TRAPPC6B: variants seen among roughly 807,000 people sequenced by gnomAD.
TRAPPC6B encodes trafficking protein particle complex subunit 6B, also known as TRAPP complex subunit 6B.
A neutral mutation model predicts 24.7 loss-of-function variants in TRAPPC6B; 27 were observed. That is an observed-to-expected ratio of 1.09 (90% CI 0.81 to 1.51). The LOEUF is 1.51. TRAPPC6B is among the 40% of genes most tolerant of loss of function. The pLI, the probability that TRAPPC6B is intolerant of heterozygous loss-of-function variation, is 0.00. For missense variants in TRAPPC6B, 212 were observed against 190.8 expected, an observed-to-expected ratio of 1.11 and a Z score of -0.66; for synonymous variants, 80 against 66.6, an observed-to-expected ratio of 1.20 and a Z score of -0.98.
chr14:39,151,209 G>C (rs1005623425), intron 5 of TRAPPC6B, among the ~76,000 whole-genome samples: 2 of 151,846 alleles, frequency 1.3e-5, no homozygotes, highest in Admixed American at 6.6e-5. Context: ...GGCTAACACG[G>C]TGAAACCCAT....
intron 3 of TRAPPC6B, 42 bp downstream of exon 3, chr14:39,158,243 G>C (rs1438956044): frequency 9.3e-7 from 1 of 1,079,230 alleles, no homozygotes; most frequent in African/African-American, 1.6e-5. Flanking sequence ...TTTATATCAA[G>C]TTAAAGGACT....
chr14:39,162,940 C>A (rs1301360705), intron 1 of TRAPPC6B, among the ~76,000 whole-genome samples: 1 of 143,704 alleles, frequency 7.0e-6, no homozygotes, highest in Admixed American at 6.7e-5. Flanking sequence ...TGCATCAACT[C>A]TTCCTCCAGA....
chr14:39,158,326 C>A lies in TRAPPC6B; in HGVS notation c.226G>T (p.Val76Leu). 1 of 1,603,044 alleles carries A rather than the reference C, an allele frequency of 6.2e-7. No homozygotes were observed. Among genetic ancestry groups the A allele is most frequent in the Non-Finnish European group, 8.5e-7 (1 of 1,177,094 alleles). The change falls in exon 3 of 6, where the codon GTA (valine) becomes TTA (leucine). Residue 76 changes from valine (V) to leucine (L), a missense_variant. By Grantham distance (32) the Val-to-Leu change is conservative. Coordinates refer to ENST00000330149, the MANE Select transcript of TRAPPC6B (RefSeq NM_001079537.2). ...KFICKDFWTTVFKKQIDNLRT... is the reference protein window; with the variant it reads ...KFICKDFWTTLFKKQIDNLRT... Reference sequence around the variant, plus strand: ...AGATTGTCGATTTGTTTCTTGAATACCGTAGTCCAAAAATCTTTACAAATG... The same window carrying A: ...AGATTGTCGATTTGTTTCTTGAATAACGTAGTCCAAAAATCTTTACAAATG...
At position 39,148,395 on chromosome 14, in the gene TRAPPC6B, G is replaced by T; in HGVS notation, c.*1955C>A. 1 of 327,822 alleles carries T rather than the reference G, an allele frequency of 3.1e-6. No homozygotes were observed. 20.3% of individuals were successfully genotyped at this position (327,822 alleles called of 1,614,324 possible). A position where few individuals can be genotyped will look rare whatever the true frequency, so the allele number is the denominator to read the frequency against. ...ATCAACACTCACCCTCTCTAGGCTAGGGAAGCACCCTATTCTATAGCACAA... is the reference window on the plus strand; with the variant it reads ...ATCAACACTCACCCTCTCTAGGCTATGGAAGCACCCTATTCTATAGCACAA... On this transcript the variant is annotated 3_prime_UTR_variant, in exon 6 of 6. Coordinates refer to ENST00000330149, the MANE Select transcript of TRAPPC6B (RefSeq NM_001079537.2).
At chr14:39,158,204 G>T in intron 3 of TRAPPC6B, 81 bp downstream of exon 3, 1 of 755,900 alleles carries the variant, frequency 1.3e-6, no homozygotes, top group Non-Finnish European at 2.1e-6. Context: ...AATTATTTTA[G>T]GTTTTAAATA....
At chr14:39,166,009 G>C (rs1422135771) in intron 1 of TRAPPC6B, among the ~76,000 whole-genome samples, 1 of 152,090 alleles carries the variant, frequency 6.6e-6, no homozygotes, top group African/African-American at 2.4e-5. Flanking sequence ...TCACCATGTT[G>C]GCCAGGCTGG....
chr14:39,164,416 CAGG>C (rs2053087790), intron 1 of TRAPPC6B, among the ~76,000 whole-genome samples: 1 of 152,068 alleles, frequency 6.6e-6, no homozygotes, highest in Admixed American at 6.6e-5. Context: ...TGCTTGAACC[CAGG>C]AGGCGGAGGT....
chr14:39,165,742 A>C (rs946508740), intron 1 of TRAPPC6B, among the ~76,000 whole-genome samples: 209 of 152,296 alleles, frequency 1.4e-3, no homozygotes, highest in Non-Finnish European at 9.3e-4. Context: ...GGCTGCAGTG[A>C]GCCAAAGTCC....
intron 5 of TRAPPC6B, among the ~76,000 whole-genome samples, chr14:39,151,468 T>C (rs1333283306): frequency 1.3e-5 from 2 of 151,744 alleles, no homozygotes; most frequent in Non-Finnish European, 2.9e-5. Context: ...GCAGGAGATA[T>C]TCAGAAGAAT....
chr14:39,160,176 A>G (rs2053039382), intron 1 of TRAPPC6B, among the ~76,000 whole-genome samples: 1 of 152,092 alleles, frequency 6.6e-6, no homozygotes, highest in Admixed American at 6.6e-5. Context: ...TATAGAAGTG[A>G]TTTTCCCAGG....
intron 1 of TRAPPC6B, 56 bp downstream of exon 1, chr14:39,169,959 G>T (rs568478258): frequency 6.4e-7 from 1 of 1,568,880 alleles, no homozygotes; most frequent in Non-Finnish European, 8.8e-7. Context: ...AAAGCACTGA[G>T]GGGAAACAAG....
chr14:39,158,426 T>C (rs746696856), intron 2 of TRAPPC6B, 24 bp from the exon 3 acceptor site: 3 of 1,370,298 alleles, frequency 2.2e-6, no homozygotes, highest in Non-Finnish European at 3.1e-6. Context: ...CTAGAAGTAA[T>C]ACAGTATTTC....
rs1594530570 is a variant in TRAPPC6B, at chr14:39,148,461, A to C, written c.*1889T>G. 5.2e-6 allele frequency: 2 copies of C among 385,174 alleles called. No homozygotes were observed. The highest frequency in any genetic ancestry group is 4.1e-5 in the African/African-American group (2 of 48,510). 23.9% of individuals were successfully genotyped at this position (385,174 alleles called of 1,614,324 possible). ...TTTTAGGCCAAAAAAAAAGAAAAAA[A>C]AAATGGGGCTTTGTCAGCAAGGAAG... On this transcript the variant is annotated 3_prime_UTR_variant, in exon 6 of 6. Transcript: ENST00000330149.
chr14:39,154,081 G>A (rs1490813742), intron 4 of TRAPPC6B, 130 bp downstream of exon 4: 9 of 591,280 alleles, frequency 1.5e-5, no homozygotes, highest in Non-Finnish European at 2.7e-5. Context: ...TCATTTCATA[G>A]AAAACTCTTT....
chr14:39,155,736 CA>C (rs2052970227), intron 3 of TRAPPC6B, among the ~76,000 whole-genome samples: 1 of 151,982 alleles, frequency 6.6e-6, no homozygotes, highest in Non-Finnish European at 1.5e-5. Flanking sequence ...AGGGTTTCAC[CA>C]CGTTGGCCAG....
At chr14:39,162,387 C>T (rs1434212194) in intron 1 of TRAPPC6B, among the ~76,000 whole-genome samples, 2 of 151,878 alleles carry the variant, frequency 1.3e-5, no homozygotes, top group Non-Finnish European at 2.9e-5. Flanking sequence ...AAAGTCCTGA[C>T]CTCAAGATAT....
Position 39,154,261 on chromosome 14 carries a change from G to C in TRAPPC6B, c.301C>G (p.Leu101Val), listed in dbSNP as rs1318497082. 10 of 1,613,180 alleles carry C rather than the reference G, an allele frequency of 6.2e-6. No individual in the cohort carries two copies. Among genetic ancestry groups the C allele is most frequent in the African/African-American group, 4.0e-5 (3 of 74,838 alleles). The change falls in exon 4 of 6, where the codon CTG becomes GTG. Residue 101 changes from leucine (L) to valine (V), a missense_variant. Physicochemically the swap from Leu to Val is conservative, Grantham distance 32. Transcript: ENST00000330149. Reference sequence around the variant, plus strand: ...TTTCCTGCAGACATCTGAGTAAGCAGGCGAAATTTGTTGTCCTGAAGTACA... The same window carrying C: ...TTTCCTGCAGACATCTGAGTAAGCACGCGAAATTTGTTGTCCTGAAGTACA... ...IYVLQDNKFRLLTQMSAGKQY... is the reference protein window; with the variant it reads ...IYVLQDNKFRVLTQMSAGKQY...
chr14:39,156,549 C>T (rs1049781519), intron 3 of TRAPPC6B, among the ~76,000 whole-genome samples: 11 of 152,036 alleles, frequency 7.2e-5, no homozygotes, highest in African/African-American at 2.2e-4. Flanking sequence ...GGCAACAAAG[C>T]GAGACTCTGT....
Position 39,170,176 on chromosome 14 carries a change from T to G in TRAPPC6B, c.-81A>C, listed in dbSNP as rs935288748. 2.8e-6 allele frequency: 4 copies of G among 1,433,328 alleles called. No homozygotes were observed. The highest frequency in any genetic ancestry group is 1.9e-5 in the Admixed American group (1 of 51,752). 88.8% of individuals were successfully genotyped at this position (1,433,328 alleles called of 1,614,324 possible). A position where few individuals can be genotyped will look rare whatever the true frequency, so the allele number is the denominator to read the frequency against. On this transcript the variant is annotated 5_prime_UTR_variant, in exon 1 of 6. Transcript: ENST00000330149. ...GGTTCCAGCTCGCGCCTCAGCGACT[T>G]CGCCGGCGCCGCGGCTCCGTCAGGC...
Sources: allele counts gnomAD v4.1 joint callset (sites outside exome capture counted in the v4.1 genomes callset), GRCh38; gene constraint gnomAD v4.1.1; transcripts MANE v1.5; gene names NCBI Gene and HGNC (gene_info 2026-07-23, HGNC 2026-07-21).